Variants in CHCHD6 observed in about 807,000 individuals in gnomAD.
CHCHD6 encodes coiled-coil-helix-coiled-coil-helix domain containing 6, also known as MICOS complex subunit MIC25.
In CHCHD6, 28 loss-of-function variants were observed where a neutral mutation model predicts 32.3. That is an observed-to-expected ratio of 0.87 (90% confidence interval 0.64 to 1.19). The LOEUF (loss-of-function observed/expected upper bound fraction) is 1.19. CHCHD6 is among the 50% of genes most tolerant of loss of function. The pLI, the probability that CHCHD6 is intolerant of heterozygous loss-of-function variation, is 0.00. For synonymous variants in CHCHD6, 122 were observed against 117.5 expected (o/e 1.04, Z -0.25); for missense variants, 333 against 307.0 (o/e 1.08, Z -0.63).
intron 5 of CHCHD6, among the ~76,000 whole-genome samples, chr3:126,863,525 TCAC>T (rs199601029): frequency 3.2e-5 from 2 of 62,170 alleles, no homozygotes; most frequent in Admixed American, 1.5e-4. Context: ...TCCTCCACCA[TCAC>T]CACCTCCTCC....
At chr3:126,806,046 T>C (rs1254587222) in intron 4 of CHCHD6, among the ~76,000 whole-genome samples, 8 of 152,152 alleles carry the variant, frequency 5.3e-5, no homozygotes, top group Admixed American at 4.6e-4. Context: ...ATACAAAAAT[T>C]AATTCAAGAT....
In CHCHD6 at chr3:126,851,804, C is replaced by T. The variant is rs939867055; in HGVS notation, c.412-843C>T. On this transcript the variant is annotated intron_variant, in intron 4 of 7. Transcript: ENST00000290913. ...ACCTTGCCCACTTCTGTTGGGGTTT[C>T]CTTTAACCTTCTGTACAGCTATGCA... 7.9e-5 allele frequency among the ~76,000 whole-genome samples: 12 copies of T among 152,194 alleles called. 1 individual carries two copies. The highest frequency in any genetic ancestry group is 5.9e-4 in the Admixed American group (9 of 15,286).
At chr3:126,892,698 G>A (rs2077780780) in intron 5 of CHCHD6, among the ~76,000 whole-genome samples, 2 of 152,148 alleles carry the variant, frequency 1.3e-5, no homozygotes, top group South Asian at 2.1e-4. Flanking sequence ...ATTTCCATAT[G>A]AGACATGAGT....
At chr3:126,928,753 C>G (rs1463545335) in intron 6 of CHCHD6, among the ~76,000 whole-genome samples, 2 of 152,232 alleles carry the variant, frequency 1.3e-5, no homozygotes, top group Non-Finnish European at 2.9e-5. Context: ...ATCATTCCCA[C>G]TGTCCCCACC....
intron 6 of CHCHD6, among the ~76,000 whole-genome samples, chr3:126,926,065 C>G (rs2078320069): frequency 6.6e-6 from 1 of 152,212 alleles, no homozygotes; most frequent in African/African-American, 2.4e-5. Context: ...CCCTACCTCC[C>G]TGCTTAGGAC....
At chr3:126,815,602 C>T (rs1939854029) in intron 4 of CHCHD6, among the ~76,000 whole-genome samples, 1 of 151,706 alleles carries the variant, frequency 6.6e-6, no homozygotes, top group Non-Finnish European at 1.5e-5. Context: ...TCCATAGCTA[C>T]TCTTCTAGTC....
intron 4 of CHCHD6, among the ~76,000 whole-genome samples, chr3:126,750,217 TG>T (rs1936672802): frequency 6.6e-6 from 1 of 152,198 alleles, no homozygotes; most frequent in South Asian, 2.1e-4. Flanking sequence ...CAGACATTCA[TG>T]GGGGTTGCTT....
intron 1 of CHCHD6, among the ~76,000 whole-genome samples, chr3:126,710,025 A>G (rs1012680996): frequency 2.0e-5 from 3 of 152,228 alleles, no homozygotes; most frequent in Non-Finnish European, 4.4e-5. Flanking sequence ...TGTAGGGGAA[A>G]GCAGCCATAG....
intron 5 of CHCHD6, among the ~76,000 whole-genome samples, chr3:126,858,488 C>T (rs1418424994): frequency 6.6e-6 from 1 of 152,142 alleles, no homozygotes; most frequent in Admixed American, 6.5e-5. Context: ...CTCTGCTGCC[C>T]CTCGCTGCCA....
intron 4 of CHCHD6, among the ~76,000 whole-genome samples, chr3:126,765,681 T>C (rs941063429): frequency 1.3e-5 from 2 of 152,214 alleles, no homozygotes; most frequent in Admixed American, 1.3e-4. Context: ...AATCTCTAAT[T>C]GGTGAGTGCA....
intron 4 of CHCHD6, among the ~76,000 whole-genome samples, chr3:126,734,046 A>G (rs1215954528): frequency 1.3e-5 from 2 of 152,200 alleles, no homozygotes; most frequent in Non-Finnish European, 2.9e-5. Flanking sequence ...AACCCTCAGT[A>G]GAAGAAGAGA....
At chr3:126,766,302 T>C (rs548205735) in intron 4 of CHCHD6, 15 of 358,316 alleles carry the variant, frequency 4.2e-5, no homozygotes, top group African/African-American at 1.9e-4. Context: ...TGGAATCTTA[T>C]GGAGTCTAAA....
At chr3:126,747,528 A>G (rs772193892) in intron 4 of CHCHD6, among the ~76,000 whole-genome samples, 16 of 152,220 alleles carry the variant, frequency 1.1e-4, no homozygotes, top group Non-Finnish European at 1.8e-4. Context: ...ATTCATGGCC[A>G]CTGGCTTCTG....
intron 6 of CHCHD6, among the ~76,000 whole-genome samples, chr3:126,936,331 T>C (rs1186074985): frequency 1.3e-5 from 2 of 152,170 alleles, no homozygotes; most frequent in African/African-American, 4.8e-5. Context: ...AGGCCAGAGC[T>C]TGGCTTAGAA....
intron 4 of CHCHD6, among the ~76,000 whole-genome samples, chr3:126,795,622 G>A (rs1279362219): frequency 1.3e-5 from 2 of 152,300 alleles, no homozygotes; most frequent in Non-Finnish European, 2.9e-5. Context: ...TTTTGGAAAG[G>A]AGAGTTCTTT....
At chr3:126,788,211 T>G (rs935554004) in intron 4 of CHCHD6, among the ~76,000 whole-genome samples, 3 of 152,136 alleles carry the variant, frequency 2.0e-5, no homozygotes, top group African/African-American at 7.2e-5. Flanking sequence ...TTGATGTGCT[T>G]CTGGATTTCG....
At chr3:126,742,339 G>C (rs1408970743) in intron 4 of CHCHD6, among the ~76,000 whole-genome samples, 1 of 152,162 alleles carries the variant, frequency 6.6e-6, no homozygotes, top group African/African-American at 2.4e-5. Context: ...CTGCTGGTCT[G>C]GTTACTACTT....
intron 1 of CHCHD6, among the ~76,000 whole-genome samples, chr3:126,708,741 C>T (rs947418039): frequency 3.0e-4 from 45 of 151,220 alleles, no homozygotes; most frequent in African/African-American, 1.1e-3. Context: ...ACTGTGGTGA[C>T]AGAATTGGAC....
At chr3:126,863,520 C>T (rs1942054788) in intron 5 of CHCHD6, among the ~76,000 whole-genome samples, 3 of 141,112 alleles carry the variant, frequency 2.1e-5, no homozygotes, top group Non-Finnish European at 3.1e-5. Flanking sequence ...CCTCCTCCTC[C>T]ACCATCACCA....
Sources: allele counts gnomAD v4.1 joint callset (sites outside exome capture counted in the v4.1 genomes callset), GRCh38; gene constraint gnomAD v4.1.1; transcripts MANE v1.5; gene names NCBI Gene and HGNC (gene_info 2026-07-23, HGNC 2026-07-21).